The following GSE1 variants were observed in gnomAD, a reference collection of about 807,000 sequenced individuals.
The protein encoded by GSE1 is Gse1 coiled-coil protein.
GSE1 carries 32 observed loss-of-function variants against 112.6 expected under a neutral mutation model. That is an observed-to-expected ratio of 0.28 (90% CI 0.21 to 0.38). The LOEUF (loss-of-function observed/expected upper bound fraction) is 0.38, where lower values mean the gene tolerates loss of function less well. GSE1 is among the 10% of genes least tolerant of loss of function. The pLI is 1.00. For synonymous variants in GSE1, 1,115 were observed against 735.6 expected (o/e 1.52, Z -8.35); for missense variants, 2,348 against 1,699.2 (o/e 1.38, Z -6.71).
chr16:85,338,488 A>G (rs895749673), intron 1 of GSE1, among the ~76,000 whole-genome samples: 25 of 152,220 alleles, frequency 1.6e-4, no homozygotes, highest in African/African-American at 5.8e-4. Flanking sequence ...TGGGCGTATA[A>G]TGATAGCACC....
chr16:85,219,735 T>G (rs1463199899), intron 1 of GSE1, among the ~76,000 whole-genome samples: 1 of 152,230 alleles, frequency 6.6e-6, no homozygotes, highest in African/African-American at 2.4e-5. Flanking sequence ...AGAATTGTAT[T>G]TGGAGCCCCT....
chr16:85,655,142 C>A, intron 5 of GSE1, 151 bp downstream of exon 5: 1 of 647,942 alleles, frequency 1.5e-6, no homozygotes, highest in Admixed American at 2.3e-5. Context: ...AGCTTTGAGC[C>A]TAAATTCAGC....
At chr16:85,436,463 G>A (rs762506950) in intron 2 of GSE1, among the ~76,000 whole-genome samples, 16 of 152,228 alleles carry the variant, frequency 1.1e-4, no homozygotes, top group Non-Finnish European at 2.2e-4. Flanking sequence ...CTCCCTGGTT[G>A]ATCTTTCATT....
chr16:85,430,091 G>A (rs2049084597), intron 2 of GSE1, among the ~76,000 whole-genome samples: 1 of 152,238 alleles, frequency 6.6e-6, no homozygotes, highest in South Asian at 2.1e-4. Flanking sequence ...GGAGCCCAGT[G>A]ATGTGTGAGC....
chr16:85,494,539 A>G (rs8055550), intron 2 of GSE1, among the ~76,000 whole-genome samples: 60,212 of 149,222 alleles, frequency 0.4, 12,257 homozygotes, highest in African/African-American at 0.43. Flanking sequence ...TGCAGCCTCC[A>G]CTTCCAGGCA....
intron 1 of GSE1, among the ~76,000 whole-genome samples, chr16:85,216,658 T>C (rs189058569): frequency 4.6e-5 from 7 of 152,168 alleles, no homozygotes; most frequent in Non-Finnish European, 1.5e-5. Flanking sequence ...GAGGTTAAGC[T>C]GTTTTCCCAC....
At chr16:85,502,798 C>T (rs118136355) in intron 2 of GSE1, among the ~76,000 whole-genome samples, 3,730 of 152,278 alleles carry the variant, frequency 0.024, 54 homozygotes, top group Middle Eastern at 0.037. Context: ...GTCCAGGGAT[C>T]CTCTGAAACT....
chr16:85,301,031 T>C (rs1363861836), intron 1 of GSE1, among the ~76,000 whole-genome samples: 2 of 152,128 alleles, frequency 1.3e-5, no homozygotes, highest in African/African-American at 2.4e-5. Context: ...AGGGGCCACC[T>C]TCCCCCACTA....
At chr16:85,569,194 C>G (rs1484701893) in intron 1 of GSE1, among the ~76,000 whole-genome samples, 1 of 152,218 alleles carries the variant, frequency 6.6e-6, no homozygotes. Flanking sequence ...TCCTCCACAC[C>G]TTTGGCCAGG....
intron 1 of GSE1, among the ~76,000 whole-genome samples, chr16:85,351,720 T>C (rs189384324): frequency 1.9e-3 from 286 of 152,368 alleles, no homozygotes; most frequent in African/African-American, 6.5e-3. Flanking sequence ...CTGGGCGCAG[T>C]GGCTCATGCC....
chr16:85,292,475 C>A (rs137892587), intron 1 of GSE1, among the ~76,000 whole-genome samples: 1 of 152,060 alleles, frequency 6.6e-6, no homozygotes, highest in African/African-American at 2.4e-5. Flanking sequence ...ATTACAAGCA[C>A]GTGCCACCAC....
chr16:85,219,532 C>G (rs1176193553), intron 1 of GSE1, among the ~76,000 whole-genome samples: 1 of 152,140 alleles, frequency 6.6e-6, no homozygotes, highest in African/African-American at 2.4e-5. Flanking sequence ...CTTGCACTCT[C>G]TAGAAAGCCC....
At chr16:85,644,116 C>G (rs2050663742) in intron 2 of GSE1, among the ~76,000 whole-genome samples, 1 of 151,964 alleles carries the variant, frequency 6.6e-6, no homozygotes, top group Non-Finnish European at 1.5e-5. Flanking sequence ...TCGCTTGAGC[C>G]CAGGAGTTTG....
At chr16:85,565,475 C>T (rs933888810) in intron 1 of GSE1, among the ~76,000 whole-genome samples, 1 of 152,088 alleles carries the variant, frequency 6.6e-6, no homozygotes, top group Non-Finnish European at 1.5e-5. Flanking sequence ...GAGCGCAGGC[C>T]AGGCACAGGG....
chr16:85,248,561 G>C (rs1457681635), intron 1 of GSE1, among the ~76,000 whole-genome samples: 2 of 151,776 alleles, frequency 1.3e-5, no homozygotes, highest in East Asian at 1.9e-4. Flanking sequence ...TTACCTAATA[G>C]GCTGTTAATG....
At chr16:85,213,066 C>T (rs969654082) in intron 1 of GSE1, among the ~76,000 whole-genome samples, 8 of 151,982 alleles carry the variant, frequency 5.3e-5, no homozygotes, top group Admixed American at 2.0e-4. Context: ...GTCAGGAGAT[C>T]GAGACCATCC....
intron 1 of GSE1, among the ~76,000 whole-genome samples, chr16:85,289,255 C>T (rs1033015197): frequency 6.6e-6 from 1 of 152,176 alleles, no homozygotes; most frequent in African/African-American, 2.4e-5. Context: ...TGAGTTCATC[C>T]TCCCGCCATT....
At chr16:85,420,197 G>A (rs1453142638) in intron 2 of GSE1, among the ~76,000 whole-genome samples, 2 of 151,896 alleles carry the variant, frequency 1.3e-5, no homozygotes, top group Non-Finnish European at 2.9e-5. Context: ...AACCAGCCTG[G>A]GCAACACAGC....
rs186235950 is a variant in GSE1, at chr16:85,404,000, T to G, written c.2464+46357T>G. Reference sequence around the variant, plus strand: ...AGCCTTCAGGGCAGGCATCTTCACCTCCCTCTCTGTGCCGTCCTTACGGGG... The same window carrying G: ...AGCCTTCAGGGCAGGCATCTTCACCGCCCTCTCTGTGCCGTCCTTACGGGG... On this transcript the variant is annotated intron_variant, in intron 2 of 2. Coordinates refer to the GSE1 transcript ENST00000637419. Among the ~76,000 whole-genome samples, 21 of 123,694 alleles carry G rather than the reference T, an allele frequency of 1.7e-4. No individual in the cohort carries two copies. The East Asian group carries it at 5.0e-3, about 30-fold the overall frequency. The allele number at this position is 123,694 out of a possible 152,430, so 81.1% of individuals were successfully genotyped here. A position where few individuals can be genotyped will look rare whatever the true frequency, so the allele number is the denominator to read the frequency against.
Sources: allele counts gnomAD v4.1 joint callset (sites outside exome capture counted in the v4.1 genomes callset), GRCh38; gene constraint gnomAD v4.1.1; transcripts MANE v1.5; gene names NCBI Gene and HGNC (gene_info 2026-07-23, HGNC 2026-07-21).